Variants in ANK2 observed in about 807,000 individuals in gnomAD.
ANK2 encodes ankyrin-2.
In ANK2, 83 loss-of-function variants were observed where a neutral mutation model predicts 360.5. The observed-to-expected ratio is 0.23, with a 90% CI of 0.19 to 0.28. ANK2 has a LOEUF of 0.28. Ranked by LOEUF, ANK2 falls within the 10% of genes least tolerant of loss-of-function variation. The probability of loss-of-function intolerance (pLI) is 1.00; values close to 1 mark genes in which losing one functional copy is unlikely to be tolerated. For missense variants in ANK2, 4,201 were observed against 4,795.7 expected (o/e 0.88, Z 3.66); for synonymous variants, 1,740 against 1,759.5 (o/e 0.99, Z 0.28).
At chr4:112,966,562 C>T (rs1451506664) in intron 2 of ANK2, among the ~76,000 whole-genome samples, 1 of 151,958 alleles carries the variant, frequency 6.6e-6, no homozygotes, top group Admixed American at 6.6e-5. Flanking sequence ...ACGTTTGTAA[C>T]TGTTCTCAGA....
chr4:113,081,472 A>G (rs1481451693), intron 1 of ANK2, among the ~76,000 whole-genome samples: 1 of 152,202 alleles, frequency 6.6e-6, no homozygotes. Context: ...GTAGTATGAC[A>G]TTAGGAACCA....
chr4:113,177,247 AT>A (rs1323969872), intron 2 of ANK2, among the ~76,000 whole-genome samples: 2 of 151,872 alleles, frequency 1.3e-5, no homozygotes, highest in Non-Finnish European at 2.9e-5. Flanking sequence ...CGCCCGGCTA[AT>A]TTTTTGTATT....
In ANK2 at chr4:113,360,817, C is replaced by T; in HGVS notation, c.10682-6C>T. The T allele has an allele frequency of 6.2e-7, 1 of 1,611,896 alleles. No homozygotes were observed. Among genetic ancestry groups the T allele is most frequent in the Non-Finnish European group, 8.5e-7 (1 of 1,178,902 alleles). On this transcript the variant is annotated splice_region_variant and splice_polypyrimidine_tract_variant and intron_variant, in intron 38 of 45. Coordinates refer to ENST00000357077, the MANE Select transcript of ANK2 (RefSeq NM_001148.6). ...CTTTGGCCATTCTGTTTTTGACCTT[C>T]TCCAGATCCACAGGATGAGCAGGAA...
the ANK2 span, among the ~76,000 whole-genome samples, chr4:112,803,527 G>C: frequency 6.6e-6 from 1 of 152,246 alleles, no homozygotes; most frequent in Admixed American, 6.5e-5. Flanking sequence ...CCGGAAGCTG[G>C]AAGAGGCAGG....
chr4:113,280,999 G>A (rs1006873490), intron 17 of ANK2, among the ~76,000 whole-genome samples: 1 of 152,064 alleles, frequency 6.6e-6, no homozygotes, highest in Admixed American at 6.6e-5. Flanking sequence ...AAGCATCTGG[G>A]ACCTCTGATC....
chr4:113,351,320 C>G (rs2095403438), intron 37 of ANK2, among the ~76,000 whole-genome samples: 1 of 151,980 alleles, frequency 6.6e-6, no homozygotes, highest in African/African-American at 2.4e-5. Flanking sequence ...AGTCCTAGGA[C>G]AATGTAATTT....
At chr4:113,309,267 A>G (rs534969069) in intron 23 of ANK2, among the ~76,000 whole-genome samples, 191 of 152,328 alleles carry the variant, frequency 1.3e-3, no homozygotes, top group African/African-American at 4.4e-3. Context: ...TTCAGCATTT[A>G]GGGACTTTGC....
intron 1 of ANK2, among the ~76,000 whole-genome samples, chr4:113,161,399 A>G (rs901226529): frequency 1.3e-5 from 2 of 152,202 alleles, no homozygotes; most frequent in South Asian, 2.1e-4. Flanking sequence ...GGTATGTACT[A>G]TAATTAATCA....
chr4:113,025,464 A>C (rs2059078656), intron 2 of ANK2, among the ~76,000 whole-genome samples: 1 of 152,220 alleles, frequency 6.6e-6, no homozygotes, highest in Admixed American at 6.5e-5. Flanking sequence ...TACTTTGTCC[A>C]AACAAATGTA....
intron 6 of ANK2, 84 bp from the exon 7 acceptor site, chr4:113,237,515 C>G (rs2099392840): frequency 7.4e-7 from 1 of 1,348,458 alleles, no homozygotes; most frequent in East Asian, 2.3e-5. Flanking sequence ...ACAGTATACC[C>G]AATTGCAGCG....
the ANK2 span, among the ~76,000 whole-genome samples, chr4:112,803,230 C>T: frequency 8.9e-4 from 135 of 152,140 alleles, no homozygotes; most frequent in African/African-American, 3.2e-3. Flanking sequence ...GGTATCAGGT[C>T]CTAATTCCAG....
chr4:112,853,909 A>C (rs11098179), intron 1 of ANK2, among the ~76,000 whole-genome samples: 31,093 of 152,204 alleles, frequency 0.2, 3,931 homozygotes, highest in East Asian at 0.55. Context: ...CATTCATTCA[A>C]TCAATAAACA....
chr4:113,360,970 A>G (rs2096180929), intron 39 of ANK2, 73 bp downstream of exon 39: 5 of 1,300,086 alleles, frequency 3.8e-6, no homozygotes, highest in Non-Finnish European at 5.5e-6. Flanking sequence ...TTCACAGCAT[A>G]AAAGGTACCC....
At chr4:113,127,220 C>T (rs1454942126) in intron 1 of ANK2, among the ~76,000 whole-genome samples, 2 of 152,014 alleles carry the variant, frequency 1.3e-5, no homozygotes, top group Non-Finnish European at 2.9e-5. Flanking sequence ...TTTCCAAAGT[C>T]GGTTCAGATG....
intron 2 of ANK2, among the ~76,000 whole-genome samples, chr4:113,190,558 A>G (rs1480546375): frequency 1.3e-5 from 2 of 152,082 alleles, no homozygotes; most frequent in African/African-American, 4.8e-5. Context: ...AGACTGAGAT[A>G]TTTTCTATTA....
At chr4:112,748,449 T>A in the ANK2 span, among the ~76,000 whole-genome samples, 10 of 152,240 alleles carry the variant, frequency 6.6e-5, no homozygotes, top group Admixed American at 6.5e-4. Context: ...GTGAGTGACC[T>A]GGTGTCCTTA....
At chr4:113,055,416 A>G (rs1347474778) in intron 1 of ANK2, among the ~76,000 whole-genome samples, 1 of 152,152 alleles carries the variant, frequency 6.6e-6, no homozygotes, top group Admixed American at 6.6e-5. Context: ...GAATAAATAG[A>G]TAGATAAATA....
At chr4:113,380,576 C>T (rs1362574849) in intron 45 of ANK2, among the ~76,000 whole-genome samples, 6 of 152,182 alleles carry the variant, frequency 3.9e-5, no homozygotes, top group African/African-American at 1.4e-4. Flanking sequence ...GCCAGAGAAT[C>T]GCTTGAACCC....
chr4:112,937,243 G>A (rs2093820454), intron 2 of ANK2, among the ~76,000 whole-genome samples: 1 of 152,060 alleles, frequency 6.6e-6, no homozygotes, highest in African/African-American at 2.4e-5. Flanking sequence ...CTTACCTTTT[G>A]GATGGCAGGC....
Sources: gnomAD v4.1 joint callset for allele counts (sites outside exome capture counted in the v4.1 genomes callset) on GRCh38, gnomAD v4.1.1 for gene constraint, MANE v1.5 for transcripts, NCBI Gene and HGNC (gene_info 2026-07-23, HGNC 2026-07-21) for gene names.